The following PON1 variants were observed in gnomAD, a reference collection of about 807,000 sequenced individuals.
PON1 encodes the protein serum paraoxonase/arylesterase 1.
Under a neutral mutation model 39.2 loss-of-function variants are expected in PON1, and 37 were observed. That is an observed-to-expected ratio of 0.94 (90% CI 0.73 to 1.24). The LOEUF (loss-of-function observed/expected upper bound fraction) is 1.24, where lower values mean the gene tolerates loss of function less well. PON1 is among the 50% of genes most tolerant of loss of function. The pLI is 0.00. For missense variants in PON1, 397 were observed against 413.5 expected (o/e 0.96, Z 0.35); for synonymous variants, 148 against 152.2 (o/e 0.97, Z 0.21).
Position 95,315,324 on chromosome 7 carries a change from T to A in PON1, c.368A>T (p.Glu123Val), listed in dbSNP as rs189946844. ...NPHGISTFTD[E>V]DNAMYLLVVN... ...TAATAAATAGTAAATATTGTTACCT[T>A]CATCTGTGAATGTGCTAATCCCATG... The change falls in exon 4 of 9, where the codon GAA (glutamate) becomes GTA (valine). Residue 123 changes from glutamate to valine, a missense_variant and splice_region_variant. Glu to Val is a moderately radical substitution (Grantham distance 121, BLOSUM62 -2). Transcript: ENST00000222381. 5 of 1,611,926 alleles carry A rather than the reference T, an allele frequency of 3.1e-6. No individual in the cohort carries two copies. The highest frequency in any genetic ancestry group is 2.7e-5 in the African/African-American group (2 of 75,010).
chr7:95,309,314 G>GAA (rs199955176), intron 5 of PON1, among the ~76,000 whole-genome samples: 39,366 of 138,784 alleles, frequency 0.28, 5,610 homozygotes, highest in East Asian at 0.5. Context: ...ATTACAACAT[G>GAA]AAAAAAAAAA....
chr7:95,298,026 T>C lies in PON1; in HGVS notation c.*918A>G, dbSNP rs1463632136. The C allele has an allele frequency of 6.7e-6, 1 of 149,594 alleles. No individual in the cohort carries two copies. Among genetic ancestry groups the C allele is most frequent in the African/African-American group, 2.5e-5 (1 of 40,132 alleles). 9.3% of individuals were successfully genotyped at this position (149,594 alleles called of 1,614,324 possible). On this transcript the variant is annotated 3_prime_UTR_variant, in exon 9 of 9. Transcript: ENST00000222381. The stretch of plus-strand genomic sequence containing the variant: ...GATCTTTTCTATTTATTTGTTTGTT[T>C]ACCTTTCTATTATTTTTTTTCTTTT...
chr7:95,312,905 G>C (rs925250762), intron 4 of PON1, among the ~76,000 whole-genome samples: 2 of 152,244 alleles, frequency 1.3e-5, no homozygotes, highest in Admixed American at 6.5e-5. Flanking sequence ...AGGCAAGAGA[G>C]AGTGGGAGAG....
intron 2 of PON1, among the ~76,000 whole-genome samples, chr7:95,317,588 A>G (rs1440668668): frequency 6.5e-5 from 5 of 77,140 alleles, no homozygotes; most frequent in Admixed American, 1.2e-4. Flanking sequence ...AAAAAAAAAA[A>G]AAAAAGAAAG....
rs1563592215 is a variant in PON1 at position 95,297,958 on chromosome 7, T to A, written c.*986A>T. On this transcript the variant is annotated 3_prime_UTR_variant, in exon 9 of 9. Transcript: ENST00000222381. ...CTATAACAAAATGATAAAGTCATGTTTTCTTCCTAGTCATGTCTCAGTAGA... is the reference window on the plus strand; with the variant it reads ...CTATAACAAAATGATAAAGTCATGTATTCTTCCTAGTCATGTCTCAGTAGA... 1 of 152,218 alleles carries A rather than the reference T, an allele frequency of 6.6e-6. No homozygotes were observed. Among genetic ancestry groups the A allele is most frequent in the East Asian group, 1.9e-4 (1 of 5,198 alleles). The allele number at this position is 152,218 out of a possible 1,614,324, so 9.4% of individuals were successfully genotyped here.
In PON1 at chr7:95,309,535, GTAAA is replaced by G. The variant is rs531328533; in HGVS notation, c.498-1328_498-1325del. On this transcript the variant is annotated intron_variant, in intron 5 of 8. Transcript: ENST00000222381. ...ACTACCCCCAGGTGTAGTAAAATAA[GTAAA>G]TAAATAACAAATTTTTAAAGGGTAA... 7.4e-4 allele frequency among the ~76,000 whole-genome samples: 113 copies of G among 152,194 alleles called. 1 individual carries two copies. The highest frequency in any genetic ancestry group is 2.6e-3 in the African/African-American group (108 of 41,528).
At chr7:95,300,062 T>C (rs1476641233) in intron 8 of PON1, among the ~76,000 whole-genome samples, 1 of 152,216 alleles carries the variant, frequency 6.6e-6, no homozygotes, top group African/African-American at 2.4e-5. Context: ...TGTCTCTAAA[T>C]GTATAAGATT....
In PON1 at chr7:95,318,392, T is replaced by C; in HGVS notation, c.76A>G (p.Thr26Ala). Residue 26 changes from threonine to alanine, a missense_variant and splice_region_variant, in exon 2 of 9, where the codon ACA (threonine) becomes GCA (alanine). Transcript: ENST00000222381. ...LFRNHQSSYQ[T>A]RLNALREVQP... is the part of the protein sequence containing the mutation. ...ACCTCTCGGAGAGCATTAAGTCGTG[T>C]TCTGTGGGGGAGAAAGAAATAAAAC... 6.2e-7 allele frequency: 1 copy of C among 1,605,564 alleles called. No individual in the cohort carries two copies. The highest frequency in any genetic ancestry group is 8.5e-7 in the Non-Finnish European group (1 of 1,172,310).
intron 1 of PON1, among the ~76,000 whole-genome samples, chr7:95,322,927 G>A (rs547769948): frequency 4.6e-5 from 7 of 152,230 alleles, no homozygotes; most frequent in African/African-American, 1.4e-4. Flanking sequence ...CCTGTGAGCC[G>A]CACACACATA....
At chr7:95,305,829 G>GCA (rs1321013687) in intron 7 of PON1, among the ~76,000 whole-genome samples, 2 of 152,150 alleles carry the variant, frequency 1.3e-5, no homozygotes, top group African/African-American at 4.8e-5. Context: ...TCACCTAGCA[G>GCA]CCATCGTGAG....
At position 95,298,603 on chromosome 7, in the gene PON1, CAT is replaced by C. The variant is rs1415080428; in HGVS notation, c.*339_*340del. Reference sequence around the variant, plus strand: ...AGACATGGCAAGGCAGCGATACACACATGTGCTTCCAGGCAACACATGTTTTA... The same window carrying C: ...AGACATGGCAAGGCAGCGATACACACGTGCTTCCAGGCAACACATGTTTTA... On this transcript the variant is annotated 3_prime_UTR_variant, in exon 9 of 9. Transcript: ENST00000222381. 3 of 382,624 alleles carry C rather than the reference CAT, an allele frequency of 7.8e-6. No individual in the cohort carries two copies. Among genetic ancestry groups the C allele is most frequent in the East Asian group, 1.3e-4 (2 of 15,612 alleles). 23.7% of individuals were successfully genotyped at this position (382,624 alleles called of 1,614,324 possible). A position where few individuals can be genotyped will look rare whatever the true frequency, so the allele number is the denominator to read the frequency against.
chr7:95,307,648 T>C (rs1807569967), intron 6 of PON1, among the ~76,000 whole-genome samples: 1 of 152,170 alleles, frequency 6.6e-6, no homozygotes, highest in African/African-American at 2.4e-5. Flanking sequence ...TGGTACAAAT[T>C]CCTCATCTTG....
At chr7:95,321,446 T>C (rs1413970407) in intron 1 of PON1, among the ~76,000 whole-genome samples, 1 of 152,252 alleles carries the variant, frequency 6.6e-6, no homozygotes, top group African/African-American at 2.4e-5. Flanking sequence ...TATTTTCTGC[T>C]ACTACACACG....
At chr7:95,311,814 A>AT (rs1049547470) in intron 4 of PON1, among the ~76,000 whole-genome samples, 2 of 152,196 alleles carry the variant, frequency 1.3e-5, no homozygotes, top group African/African-American at 4.8e-5. Flanking sequence ...AGAAAAAAAA[A>AT]TTCTCAAGAA....
chr7:95,308,595 T>C (rs1292827310), intron 5 of PON1, among the ~76,000 whole-genome samples: 2 of 151,918 alleles, frequency 1.3e-5, no homozygotes, highest in African/African-American at 4.8e-5. Flanking sequence ...AAAAATGTGC[T>C]CACATATCTG....
chr7:95,309,627 A>G (rs1333426118), intron 5 of PON1, among the ~76,000 whole-genome samples: 1 of 152,182 alleles, frequency 6.6e-6, no homozygotes, highest in South Asian at 2.1e-4. Flanking sequence ...TGCTATCCTT[A>G]TAATGTGGGG....
At position 95,303,668 on chromosome 7, in the gene PON1, C is replaced by G. The variant is rs187901823; in HGVS notation, c.781-1335G>C. Among the ~76,000 whole-genome samples the G allele has an allele frequency of 2.8e-4, 42 of 152,324 alleles. No individual in the cohort carries two copies. In the East Asian group the frequency reaches 7.7e-3, roughly 28 times the overall value. ...ACAGCTCATGCCATGGAAGTGCTGA[C>G]AGTCTAGCAGGGAGCCTGTTCTGAG... On this transcript the variant is annotated intron_variant, in intron 7 of 8. Transcript: ENST00000222381.
intron 5 of PON1, among the ~76,000 whole-genome samples, chr7:95,311,047 T>C (rs1193734867): frequency 6.6e-6 from 1 of 152,214 alleles, no homozygotes; most frequent in Non-Finnish European, 1.5e-5. Context: ...CAGGGTCTCC[T>C]CTTGGGTCTG....
chr7:95,312,734 T>G (rs908013082), intron 4 of PON1, among the ~76,000 whole-genome samples: 1 of 151,756 alleles, frequency 6.6e-6, no homozygotes, highest in African/African-American at 2.4e-5. Flanking sequence ...CATATTCACT[T>G]AATAGTGAGG....
Sources: allele counts gnomAD v4.1 joint callset (sites outside exome capture counted in the v4.1 genomes callset), GRCh38; gene constraint gnomAD v4.1.1; transcripts MANE v1.5; gene names NCBI Gene and HGNC (gene_info 2026-07-23, HGNC 2026-07-21).